The following GMEB1 variants were observed in gnomAD, a reference collection of about 807,000 sequenced individuals.
GMEB1 encodes the protein glucocorticoid modulatory element-binding protein 1.
A neutral mutation model predicts 52.4 loss-of-function variants in GMEB1; 6 were observed. The observed-to-expected ratio is 0.11, with a 90% CI of 0.06 to 0.23. GMEB1 has a LOEUF of 0.23. Ranked by LOEUF, GMEB1 falls within the 10% of genes least tolerant of loss-of-function variation. The probability of loss-of-function intolerance (pLI) is 1.00; values close to 1 mark genes in which losing one functional copy is unlikely to be tolerated. For missense variants in GMEB1, 486 were observed against 685.6 expected, an observed-to-expected ratio of 0.71 and a Z score of 3.25; for synonymous variants, 255 against 244.9, an observed-to-expected ratio of 1.04 and a Z score of -0.38.
At chr1:28,676,523 C>T (rs760503355) in intron 1 of GMEB1, among the ~76,000 whole-genome samples, 1 of 152,084 alleles carries the variant, frequency 6.6e-6, no homozygotes, top group South Asian at 2.1e-4. Flanking sequence ...GCCAGGAGAT[C>T]GAGACCATCC....
At chr1:28,669,089 A>C (rs1262186384) in intron 1 of GMEB1, among the ~76,000 whole-genome samples, 5 of 145,228 alleles carry the variant, frequency 3.4e-5, no homozygotes, top group South Asian at 4.6e-4. Context: ...GGCCGCCCCC[A>C]GCGCAGCCGG....
chr1:28,706,133 G>A (rs371022609), intron 8 of GMEB1, among the ~76,000 whole-genome samples: 5 of 150,644 alleles, frequency 3.3e-5, no homozygotes, highest in South Asian at 4.2e-4. Context: ...TGGCCCAAGC[G>A]GAAGAGCGAG....
At chr1:28,689,552 C>T (rs1669856373) in intron 2 of GMEB1, 1 of 152,258 alleles carries the variant, frequency 6.6e-6, no homozygotes, top group East Asian at 1.9e-4. Context: ...TGGCGTGAGC[C>T]TGGGAGGCGG....
At chr1:28,704,105 T>C in intron 7 of GMEB1, 87 bp from the exon 8 acceptor site, 2 of 1,191,360 alleles carry the variant, frequency 1.7e-6, no homozygotes, top group Non-Finnish European at 2.3e-6. Flanking sequence ...TGAGTTAAAA[T>C]AATTTTGAAT....
At chr1:28,704,870 A>G (rs1033820839) in intron 8 of GMEB1, among the ~76,000 whole-genome samples, 1 of 151,946 alleles carries the variant, frequency 6.6e-6, no homozygotes, top group East Asian at 1.9e-4. Context: ...GGCCTCCCAA[A>G]GTGCTGGGAT....
At chr1:28,675,258 C>G (rs1050246065) in intron 1 of GMEB1, among the ~76,000 whole-genome samples, 4 of 151,846 alleles carry the variant, frequency 2.6e-5, no homozygotes, top group African/African-American at 9.7e-5. Flanking sequence ...ACCTTGTGAT[C>G]CACCTGCCTT....
chr1:28,707,704 T>C (rs1171314773), intron 8 of GMEB1, among the ~76,000 whole-genome samples: 1 of 152,062 alleles, frequency 6.6e-6, no homozygotes, highest in Non-Finnish European at 1.5e-5. Flanking sequence ...TATTAGACCA[T>C]CAAATAGAGA....
At chr1:28,692,113 T>G (rs1342699405) in intron 4 of GMEB1, among the ~76,000 whole-genome samples, 3 of 151,178 alleles carry the variant, frequency 2.0e-5, no homozygotes, top group Non-Finnish European at 4.4e-5. Context: ...TGGGTTCAGG[T>G]GATTCTCCTA....
chr1:28,710,613 G>C lies in GMEB1; in HGVS notation c.962G>C (p.Gly321Ala), dbSNP rs752580412. The change falls in exon 9 of 10, where the codon GGA becomes GCA. Residue 321 changes from glycine (G) to alanine (A), a missense_variant. Gly to Ala is a moderately conservative substitution (Grantham distance 60). Coordinates refer to ENST00000373816, the MANE Select transcript of GMEB1 (RefSeq NM_001319674.2). The part of the protein sequence containing the change: ...LDNRRNQVEQ[G>A]EEQFLYTLTD... Reference sequence around the variant, plus strand: ...AACAGAAGGAACCAAGTAGAGCAGGGAGAAGAACAGTTTCTCTATACTCTG... The same window carrying C: ...AACAGAAGGAACCAAGTAGAGCAGGCAGAAGAACAGTTTCTCTATACTCTG... 3.1e-6 allele frequency: 5 copies of C among 1,605,190 alleles called. No individual in the cohort carries two copies. Among genetic ancestry groups the C allele is most frequent in the Non-Finnish European group, 4.3e-6 (5 of 1,175,500 alleles).
At chr1:28,682,599 G>A (rs530979285) in intron 1 of GMEB1, among the ~76,000 whole-genome samples, 5 of 139,466 alleles carry the variant, frequency 3.6e-5, no homozygotes, top group East Asian at 2.1e-4. Context: ...TCGTCTGGGC[G>A]ACAGAGTGAG....
intron 4 of GMEB1, among the ~76,000 whole-genome samples, chr1:28,692,562 CA>C (rs1388270130): frequency 2.6e-5 from 4 of 151,584 alleles, no homozygotes; most frequent in Non-Finnish European, 5.9e-5. Flanking sequence ...ATTGACTAGC[CA>C]AAAAAATACA....
intron 5 of GMEB1, among the ~76,000 whole-genome samples, chr1:28,695,982 A>T (rs1670189937): frequency 7.0e-6 from 1 of 142,946 alleles, no homozygotes; most frequent in South Asian, 2.2e-4. Flanking sequence ...AAATTTTCAG[A>T]TGATTTGTAT....
chr1:28,691,312 GA>G (rs908269183), intron 3 of GMEB1, among the ~76,000 whole-genome samples: 2 of 151,774 alleles, frequency 1.3e-5, no homozygotes, highest in African/African-American at 4.8e-5. Context: ...AAGAAAAAAA[GA>G]AAAAAACACC....
chr1:28,670,763 G>A (rs185575253), intron 1 of GMEB1, among the ~76,000 whole-genome samples: 9 of 152,292 alleles, frequency 5.9e-5, no homozygotes, highest in Admixed American at 5.9e-4. Context: ...GTGAGCCACT[G>A]CGCCCGGCGG....
intron 1 of GMEB1, among the ~76,000 whole-genome samples, chr1:28,671,749 A>AAAAT (rs919575044): frequency 1.3e-5 from 2 of 151,806 alleles, no homozygotes; most frequent in African/African-American, 2.4e-5. Context: ...GTCTCACTAA[A>AAAAT]AAATAAATAA....
chr1:28,692,594 G>T (rs1324151195), intron 4 of GMEB1, among the ~76,000 whole-genome samples: 8 of 151,834 alleles, frequency 5.3e-5, no homozygotes, highest in Admixed American at 6.6e-5. Flanking sequence ...AAATAGAATT[G>T]CTTATTCTGT....
intron 1 of GMEB1, among the ~76,000 whole-genome samples, chr1:28,670,023 T>C (rs574313757): frequency 6.6e-6 from 1 of 152,186 alleles, no homozygotes; most frequent in South Asian, 2.1e-4. Flanking sequence ...GGGGCCTTGA[T>C]TGGTGTCTGT....
At chr1:28,669,068 C>T (rs1456662673) in intron 1 of GMEB1, among the ~76,000 whole-genome samples, 1 of 146,964 alleles carries the variant, frequency 6.8e-6, no homozygotes, top group African/African-American at 2.5e-5. Context: ...CTGGGTCCGC[C>T]CGAGCCGCCG....
chr1:28,694,627 T>A (rs954653610), intron 5 of GMEB1, among the ~76,000 whole-genome samples: 2 of 151,914 alleles, frequency 1.3e-5, no homozygotes, highest in African/African-American at 4.8e-5. Flanking sequence ...ACTACAGGTG[T>A]GAGCCAGTGT....
Sources: gnomAD v4.1 joint callset for allele counts (sites outside exome capture counted in the v4.1 genomes callset) on GRCh38, gnomAD v4.1.1 for gene constraint, MANE v1.5 for transcripts, NCBI Gene and HGNC (gene_info 2026-07-23, HGNC 2026-07-21) for gene names.